The following ZFPM1 variants were observed in gnomAD, a reference collection of about 807,000 sequenced individuals.
ZFPM1 encodes the protein zinc finger protein ZFPM1.
ZFPM1 carries 28 observed loss-of-function variants against 46.3 expected under a neutral mutation model. The observed-to-expected ratio is 0.60, with a 90% CI of 0.45 to 0.83. The LOEUF is 0.83. Ranked by LOEUF, ZFPM1 falls within the 40% of genes least tolerant of loss-of-function variation. The pLI, the probability that ZFPM1 is intolerant of heterozygous loss-of-function variation, is 0.00. For missense variants in ZFPM1, 1,878 were observed against 1,432.4 expected (o/e 1.31, Z -5.02); for synonymous variants, 957 against 675.9 (o/e 1.42, Z -6.45).
chr16:88,468,152 CCACCCGCGAGCCCACAGGCCCTGACG>C (rs1252361979), intron 1 of ZFPM1, among the ~76,000 whole-genome samples: 2 of 140,278 alleles, frequency 1.4e-5, no homozygotes, highest in African/African-American at 2.7e-5. Flanking sequence ...TGCCCCTGAC[CCACCCGCGAGCCCACAGGCCCTGACG>C]CACCCGCGAG....
intron 1 of ZFPM1, among the ~76,000 whole-genome samples, chr16:88,454,499 C>T (rs1279921256): frequency 3.9e-5 from 6 of 152,220 alleles, no homozygotes; most frequent in Non-Finnish European, 8.8e-5. Flanking sequence ...AAGGGCCTCC[C>T]AGGACGCAGC....
chr16:88,491,412 G>A (rs919864213), intron 3 of ZFPM1, among the ~76,000 whole-genome samples: 7 of 152,334 alleles, frequency 4.6e-5, no homozygotes, highest in Middle Eastern at 3.4e-3. Flanking sequence ...CCAGCCCCAA[G>A]AGGGGCCGAG....
intron 5 of ZFPM1, 79 bp from the exon 6 acceptor site, chr16:88,527,953 C>T (rs1184328348): frequency 1.4e-6 from 2 of 1,408,304 alleles, no homozygotes; most frequent in Non-Finnish European, 1.9e-6. Flanking sequence ...TCTCCTGACC[C>T]CATCCTCTGC....
At chr16:88,516,758 C>G (rs776384085) in intron 4 of ZFPM1, 8 of 394,182 alleles carry the variant, frequency 2.0e-5, no homozygotes, top group East Asian at 1.8e-4. Flanking sequence ...GCCTCCTGCC[C>G]GGATCGCCCC....
intron 6 of ZFPM1, among the ~76,000 whole-genome samples, chr16:88,528,763 G>C (rs1485078529): frequency 1.3e-5 from 2 of 152,176 alleles, no homozygotes; most frequent in East Asian, 3.9e-4. Flanking sequence ...TTCGAGACAA[G>C]GTCTCACTCT....
Position 88,533,553 on chromosome 16 carries a change from G to A in ZFPM1, c.1595G>A (p.Gly532Glu). The part of the protein sequence containing the change: ...GALFLPQYVF[G>E]PDAAPPASEI... Reference sequence around the variant, plus strand: ...CTGTTCCTTCCGCAGTACGTGTTCGGGCCCGACGCGGCGCCCCCCGCCTCG... The same window carrying A: ...CTGTTCCTTCCGCAGTACGTGTTCGAGCCCGACGCGGCGCCCCCCGCCTCG... The change falls in exon 10 of 10, where the codon GGG (glycine) becomes GAG (glutamate). Residue 532 changes from glycine to glutamate, a missense_variant. Physicochemically the swap from Gly to Glu is moderately conservative, Grantham distance 98. Coordinates refer to ENST00000319555, the MANE Select transcript of ZFPM1 (RefSeq NM_153813.3). 12 of 1,478,332 alleles carry A rather than the reference G, an allele frequency of 8.1e-6. No individual in the cohort carries two copies. Among genetic ancestry groups the A allele is most frequent in the Non-Finnish European group, 1.1e-5 (12 of 1,115,832 alleles). The allele number at this position is 1,478,332 out of a possible 1,614,324, so 91.6% of individuals were successfully genotyped here.
chr16:88,501,584 G>A (rs1363681041), intron 3 of ZFPM1, among the ~76,000 whole-genome samples: 4,914 of 108,932 alleles, frequency 0.045, 728 homozygotes, highest in Admixed American at 0.071. Context: ...GCGGGTGTGG[G>A]TGCATGGGCT....
At position 88,534,146 on chromosome 16, in the gene ZFPM1, C is replaced by G; in HGVS notation, c.2188C>G (p.Pro730Ala). 9.9e-7 allele frequency: 1 copy of G among 1,008,116 alleles called. No homozygotes were observed. Among genetic ancestry groups the G allele is most frequent in the Non-Finnish European group, 1.2e-6 (1 of 848,466 alleles). 62.4% of individuals were successfully genotyped at this position (1,008,116 alleles called of 1,614,324 possible). A position where few individuals can be genotyped will look rare whatever the true frequency, so the allele number is the denominator to read the frequency against. The stretch of plus-strand genomic sequence containing the variant: ...GGGACCCCCTGGGCCGGCCGCGCCC[C>G]CGGCCCCCTCTCCCGCCGCGCCTGT... The part of the protein sequence containing the change: ...PPGPPGPAAP[P>A]APSPAAPVRT... The change falls in exon 10 of 10, where the codon CCG becomes GCG. Residue 730 changes from proline (P) to alanine (A), a missense_variant. Coordinates refer to ENST00000319555, the MANE Select transcript of ZFPM1 (RefSeq NM_153813.3).
chr16:88,507,088 C>T (rs978530007), intron 3 of ZFPM1, among the ~76,000 whole-genome samples: 6 of 152,172 alleles, frequency 3.9e-5, no homozygotes, highest in Non-Finnish European at 8.8e-5. Context: ...CACGGAGGGC[C>T]CACTACCCAA....
intron 3 of ZFPM1, among the ~76,000 whole-genome samples, chr16:88,499,108 G>T (rs1171444697): frequency 2.6e-5 from 4 of 152,162 alleles, no homozygotes; most frequent in Non-Finnish European, 5.9e-5. Context: ...GGCCCCCGTG[G>T]CTCCCCCATG....
In ZFPM1 at chr16:88,494,156, C is replaced by T. The variant is rs373049659; in HGVS notation, c.268+5003C>T. Among the ~76,000 whole-genome samples, 234 of 152,238 alleles carry T rather than the reference C, an allele frequency of 1.5e-3. 1 individual carries two copies. Among genetic ancestry groups the T allele is most frequent in the African/African-American group, 5.4e-3 (226 of 41,550 alleles). ...CTTGAGCTTGTCGGCTGCCCCGGGG[C>T]GGCCTGGGTTATCTCGGATTGGGGG... On this transcript the variant is annotated intron_variant, in intron 3 of 9. Coordinates refer to ENST00000319555, the MANE Select transcript of ZFPM1 (RefSeq NM_153813.3).
chr16:88,518,441 T>C (rs973985598), intron 4 of ZFPM1, among the ~76,000 whole-genome samples: 6 of 149,458 alleles, frequency 4.0e-5, no homozygotes, highest in Non-Finnish European at 8.9e-5. Flanking sequence ...GGTGGATGCA[T>C]GGATAGATGG....
chr16:88,472,588 G>C (rs1426689157), intron 1 of ZFPM1, among the ~76,000 whole-genome samples: 2 of 152,150 alleles, frequency 1.3e-5, no homozygotes, highest in Non-Finnish European at 2.9e-5. Context: ...TCCTGACCTC[G>C]TGATCTGCCC....
At chr16:88,528,288 G>A (rs1290426939) in intron 6 of ZFPM1, 50 bp downstream of exon 6, 4 of 1,521,714 alleles carry the variant, frequency 2.6e-6, no homozygotes, top group Admixed American at 1.9e-5. Flanking sequence ...CCAAGGAGGA[G>A]CAGGCAGGGC....
intron 1 of ZFPM1, among the ~76,000 whole-genome samples, chr16:88,484,405 C>T (rs942470119): frequency 2.6e-5 from 4 of 152,244 alleles, no homozygotes; most frequent in Non-Finnish European, 4.4e-5. Flanking sequence ...CTGGTGTCTT[C>T]TGTTCTGCCC....
chr16:88,498,649 C>T (rs904091679), intron 3 of ZFPM1, among the ~76,000 whole-genome samples: 7 of 152,102 alleles, frequency 4.6e-5, no homozygotes, highest in African/African-American at 1.2e-4. Flanking sequence ...GAACGAGGGG[C>T]GTCTGGAAAC....
In ZFPM1 at chr16:88,459,094, C is replaced by T. The variant is rs116268649; in HGVS notation, c.40+5416C>T. Among the ~76,000 whole-genome samples the T allele has an allele frequency of 3.6e-3, 549 of 152,324 alleles. 3 individuals are homozygous for T. Among genetic ancestry groups the T allele is most frequent in the African/African-American group, 0.013 (529 of 41,574 alleles). ...GTGCAAGTCGAGACTTGGGTGGCTC[C>T]TCTGTGGCTCCTTTTGGCCCCTGGA... On this transcript the variant is annotated intron_variant, in intron 1 of 9. Coordinates refer to ENST00000319555, the MANE Select transcript of ZFPM1 (RefSeq NM_153813.3).
In ZFPM1 at chr16:88,533,451, C is replaced by A; in HGVS notation, c.1493C>A (p.Ala498Asp). 1 of 1,442,214 alleles carries A rather than the reference C, an allele frequency of 6.9e-7. No individual in the cohort carries two copies. Among genetic ancestry groups the A allele is most frequent in the South Asian group, 1.4e-5 (1 of 72,920 alleles). The allele number at this position is 1,442,214 out of a possible 1,614,324, so 89.3% of individuals were successfully genotyped here. ...RTPSPRSPAP[A>D]RVKAELSSPT... ...CCGTCGCCGCGCAGCCCCGCCCCGG[C>A]CAGGGTCAAGGCCGAGCTGTCCAGC... The change falls in exon 10 of 10, where the codon GCC becomes GAC. Residue 498 changes from alanine (A) to aspartate (D), a missense_variant. By Grantham distance (126) the Ala-to-Asp change is moderately radical. Transcript: ENST00000319555.
At chr16:88,476,261 A>C (rs1318050468) in intron 1 of ZFPM1, among the ~76,000 whole-genome samples, 1 of 152,070 alleles carries the variant, frequency 6.6e-6, no homozygotes, top group East Asian at 1.9e-4. Context: ...GGGGGAGCCC[A>C]GGATGACCTA....
Sources: allele counts gnomAD v4.1 joint callset (sites outside exome capture counted in the v4.1 genomes callset), GRCh38; gene constraint gnomAD v4.1.1; transcripts MANE v1.5; gene names NCBI Gene and HGNC (gene_info 2026-07-23, HGNC 2026-07-21).